Variants in TMEM163 observed in about 807,000 individuals in gnomAD.
The protein encoded by TMEM163 is transmembrane protein 163.
A neutral mutation model predicts 29.3 loss-of-function variants in TMEM163; 17 were observed. The ratio of observed to expected loss-of-function variants is 0.58; its 90% confidence interval spans 0.40 to 0.87. The LOEUF (loss-of-function observed/expected upper bound fraction) is 0.87. TMEM163 is among the 40% of genes least tolerant of loss of function. The probability of loss-of-function intolerance (pLI) is 0.00; values close to 1 mark genes in which losing one functional copy is unlikely to be tolerated. For synonymous variants in TMEM163, 157 were observed against 160.6 expected (o/e 0.98, Z 0.17); for missense variants, 303 against 381.5 (o/e 0.79, Z 1.71).
chr2:134,461,924 C>T (rs1230442440), intron 6 of TMEM163, among the ~76,000 whole-genome samples: 1 of 150,958 alleles, frequency 6.6e-6, no homozygotes, highest in Non-Finnish European at 1.5e-5. Flanking sequence ...GCCCATCCTG[C>T]CCGCCCACCT....
At position 134,460,583 on chromosome 2, in the gene TMEM163, G is replaced by A. The variant is rs1452435120; in HGVS notation, c.668-2410C>T. ...ACACGAAGGAGGAAGTAGGCAGGCA[G>A]GCATGGGCCCAGCCTGAGCGCCACC... On this transcript the variant is annotated intron_variant, in intron 6 of 7. Coordinates refer to ENST00000281924, the MANE Select transcript of TMEM163 (RefSeq NM_030923.5). This position sits in a 1 kb window ranked among gnomAD's most constrained non-coding sequence, Gnocchi z 4.3. 6.6e-6 allele frequency among the ~76,000 whole-genome samples: 1 copy of A among 152,190 alleles called. No individual in the cohort carries two copies. Among genetic ancestry groups the A allele is most frequent in the African/African-American group, 2.4e-5 (1 of 41,450 alleles).
intron 4 of TMEM163, among the ~76,000 whole-genome samples, chr2:134,536,354 C>T (rs1222389226): frequency 2.0e-5 from 3 of 152,208 alleles, no homozygotes; most frequent in Non-Finnish European, 4.4e-5. Context: ...CTGTGAGACA[C>T]CCCGGTGGCA....
intron 2 of TMEM163, among the ~76,000 whole-genome samples, chr2:134,611,250 C>T (rs962608156): frequency 1.3e-5 from 2 of 152,298 alleles, no homozygotes; most frequent in South Asian, 4.1e-4. Context: ...CTAATTTTCC[C>T]ACTCATTCAT....
chr2:134,629,076 G>C (rs1366881513), intron 2 of TMEM163, among the ~76,000 whole-genome samples: 1 of 152,152 alleles, frequency 6.6e-6, no homozygotes, highest in African/African-American at 2.4e-5. Context: ...TGATGCGCCA[G>C]GTCTTACCTA....
chr2:134,564,280 G>A (rs151280156), intron 2 of TMEM163, among the ~76,000 whole-genome samples: 81 of 152,250 alleles, frequency 5.3e-4, no homozygotes, highest in African/African-American at 1.6e-3. Flanking sequence ...TAAAATACAC[G>A]GGGGAAAGAA....
At chr2:134,640,944 T>C (rs1465047813) in intron 2 of TMEM163, among the ~76,000 whole-genome samples, 2 of 152,228 alleles carry the variant, frequency 1.3e-5, no homozygotes, top group African/African-American at 4.8e-5. Context: ...AAGCTGTCCA[T>C]GTTTAGCTGT....
intron 6 of TMEM163, chr2:134,458,642 G>C (rs1338507515): frequency 2.5e-5 from 4 of 158,610 alleles, no homozygotes; most frequent in Admixed American, 1.8e-4. Flanking sequence ...TCAATCGTGT[G>C]ACGTCACATT....
intron 5 of TMEM163, among the ~76,000 whole-genome samples, chr2:134,476,927 C>G (rs894187935): frequency 6.6e-6 from 1 of 152,178 alleles, no homozygotes; most frequent in African/African-American, 2.4e-5. Context: ...CAGTTGAGTG[C>G]CTTCTGTTTA....
intron 3 of TMEM163, 82 bp from the exon 4 acceptor site, chr2:134,550,743 A>G (rs1372591535): frequency 7.6e-7 from 1 of 1,310,572 alleles, no homozygotes; most frequent in Non-Finnish European, 1.1e-6. Context: ...CTGTGCTGTG[A>G]CTCAGAACAT....
At chr2:134,633,714 C>A (rs1362416401) in intron 2 of TMEM163, among the ~76,000 whole-genome samples, 2 of 152,016 alleles carry the variant, frequency 1.3e-5, no homozygotes, top group Non-Finnish European at 2.9e-5. Flanking sequence ...GTAATCCCAG[C>A]ACTTTGGGAG....
chr2:134,601,545 T>C (rs990163523), intron 2 of TMEM163, among the ~76,000 whole-genome samples: 1 of 152,228 alleles, frequency 6.6e-6, no homozygotes, highest in Non-Finnish European at 1.5e-5. Flanking sequence ...GCAAAGGCAA[T>C]TCGGCAGGGC....
In TMEM163 at chr2:134,548,288, A is replaced by T. The variant is rs145699008; in HGVS notation, c.458+2282T>A. Among the ~76,000 whole-genome samples the T allele has an allele frequency of 4.3e-3, 654 of 152,340 alleles. 9 individuals carry two copies. The highest frequency in any genetic ancestry group is 0.015 in the African/African-American group (624 of 41,578). Reference sequence around the variant, plus strand: ...ATTCTAATATCAACATGTAATGAACATTTTTTTAACTATTAATAAATACTT... The same window carrying T: ...ATTCTAATATCAACATGTAATGAACTTTTTTTTAACTATTAATAAATACTT... On this transcript the variant is annotated intron_variant, in intron 4 of 7. Transcript: ENST00000281924.
At chr2:134,552,656 CTT>C (rs35785546) in intron 2 of TMEM163, among the ~76,000 whole-genome samples, 2,807 of 113,308 alleles carry the variant, frequency 0.025, 30 homozygotes, top group Middle Eastern at 0.1. Context: ...TATTTTGATC[CTT>C]TTTTTTTTTT....
chr2:134,617,413 C>A (rs534866328), intron 2 of TMEM163, among the ~76,000 whole-genome samples: 144 of 152,008 alleles, frequency 9.5e-4, no homozygotes, highest in African/African-American at 3.0e-3. Flanking sequence ...GAATTTTAGA[C>A]CAGCCTGGCC....
rs1386361760 is a variant in TMEM163 at position 134,651,526 on chromosome 2, T to G, written c.322+61674A>C. 1.1e-4 allele frequency among the ~76,000 whole-genome samples: 13 copies of G among 121,164 alleles called. 1 individual carries two copies. Among genetic ancestry groups the G allele is most frequent in the African/African-American group, 4.8e-4 (12 of 25,096 alleles). The allele number at this position is 121,164 out of a possible 152,430, so 79.5% of individuals were successfully genotyped here. A position where few individuals can be genotyped will look rare whatever the true frequency, so the allele number is the denominator to read the frequency against. On this transcript the variant is annotated intron_variant, in intron 2 of 7. Transcript: ENST00000281924. Reference sequence around the variant, plus strand: ...TCACTCTGATGGTAGTTTCTTTTGCTGTGCAGAAGCTCTTTAGTTTAATTA... The same window carrying G: ...TCACTCTGATGGTAGTTTCTTTTGCGGTGCAGAAGCTCTTTAGTTTAATTA...
Position 134,502,955 on chromosome 2 carries a change from T to G in TMEM163, c.501A>C (p.Ile167=), listed in dbSNP as rs755169736. 1.2e-6 allele frequency: 2 copies of G among 1,613,604 alleles called. No individual in the cohort carries two copies. The highest frequency in any genetic ancestry group is 1.7e-6 in the Non-Finnish European group (2 of 1,179,856). The part of the protein sequence containing the change: ...ILGVIFLLSS[I]CIVVKAIHDL... ...CATGGATGGCTTTGACCACTATACA[T>G]ATGGATGACAGAAGGAATATCACCC... The change falls in exon 5 of 8, where the codon ATA becomes ATC. Residue 167 remains isoleucine, a synonymous_variant. Transcript: ENST00000281924.
Position 134,597,159 on chromosome 2 carries a change from G to C in TMEM163, c.323-45068C>G, listed in dbSNP as rs1222012514. ...GAACTTCCAACACTATGTTGAATAG[G>C]AGTGGTGAGAGAGGGCATCCCTGTC... is the stretch of plus-strand genomic sequence containing the variant. On this transcript the variant is annotated intron_variant, in intron 2 of 7. Transcript: ENST00000281924. Among the ~76,000 whole-genome samples, 4 of 152,122 alleles carry C rather than the reference G, an allele frequency of 2.6e-5. No individual in the cohort carries two copies. In the East Asian group the frequency reaches 7.7e-4, roughly 29 times the overall value.
chr2:134,504,445 G>T (rs1007830294), intron 4 of TMEM163, among the ~76,000 whole-genome samples: 4 of 145,144 alleles, frequency 2.8e-5, no homozygotes, highest in Non-Finnish European at 6.2e-5. Flanking sequence ...AGGGACACAG[G>T]CTCTGCAAAA....
chr2:134,505,239 CTT>C (rs78772358), intron 4 of TMEM163, among the ~76,000 whole-genome samples: 11,869 of 129,938 alleles, frequency 0.091, 704 homozygotes, highest in East Asian at 0.28. Flanking sequence ...TGGGGAATTC[CTT>C]TTTTTTTTTT....
Sources: allele counts gnomAD v4.1 joint callset (sites outside exome capture counted in the v4.1 genomes callset), GRCh38; gene constraint gnomAD v4.1.1; non-coding constraint Gnocchi (gnomAD v3.1); transcripts MANE v1.5; gene names NCBI Gene and HGNC (gene_info 2026-07-23, HGNC 2026-07-21).